The following ZP3 variants were observed in gnomAD, a reference collection of about 807,000 sequenced individuals.
ZP3 encodes zona pellucida sperm-binding protein 3.
ZP3 carries 21 observed loss-of-function variants against 35.6 expected under a neutral mutation model. That is an observed-to-expected ratio of 0.59 (90% CI 0.42 to 0.85). The LOEUF is 0.85. Among genes scored for constraint, ZP3 ranks in the 40% least tolerant of loss-of-function variants. The probability of loss-of-function intolerance (pLI) is 0.00; values close to 1 mark genes in which losing one functional copy is unlikely to be tolerated. For synonymous variants in ZP3, 207 were observed against 214.5 expected (o/e 0.96, Z 0.31); for missense variants, 437 against 536.5 (o/e 0.81, Z 1.83).
chr7:76,409,696 A>C (rs12540573), intron 1 of ZP3: 12,916 of 152,512 alleles, frequency 0.085, 763 homozygotes, highest in Middle Eastern at 0.16. Context: ...CCCCAGAAAA[A>C]GGGCACCCAG....
chr7:76,397,884 G>C, intron 1 of ZP3: 2 of 1,454,444 alleles, frequency 1.4e-6, no homozygotes. Flanking sequence ...CTCTGCCCCC[G>C]TCCGCACCGC....
chr7:76,425,625 C>A (rs553535775), intron 1 of ZP3, among the ~76,000 whole-genome samples: 4 of 152,270 alleles, frequency 2.6e-5, no homozygotes, highest in Admixed American at 2.6e-4. Context: ...AGGCTGGGGG[C>A]ATTAGGAACT....
At chr7:76,440,094 G>T in intron 5 of ZP3, 156 bp from the exon 6 acceptor site, 14 of 1,408,252 alleles carry the variant, frequency 9.9e-6, no homozygotes, top group Non-Finnish European at 1.3e-5. Flanking sequence ...TGATCTACCC[G>T]CCTTGGGCTC....
At chr7:76,431,447 A>G (rs1805822560) in intron 2 of ZP3, among the ~76,000 whole-genome samples, 1 of 152,166 alleles carries the variant, frequency 6.6e-6, no homozygotes, top group Non-Finnish European at 1.5e-5. Context: ...CAATAGATGC[A>G]TCCATCACTT....
chr7:76,440,177 T>G, intron 5 of ZP3, 73 bp from the exon 6 acceptor site: 3 of 1,503,816 alleles, frequency 2.0e-6, no homozygotes, highest in Non-Finnish European at 2.7e-6. Flanking sequence ...TTGAGGGTTA[T>G]AAGAGAACTG....
upstream of ZP3, among the ~76,000 whole-genome samples, chr7:76,424,511 T>C (rs1305244115): frequency 6.6e-6 from 1 of 152,132 alleles, no homozygotes; most frequent in Non-Finnish European, 1.5e-5. Flanking sequence ...TGCCTTCCTG[T>C]AATCCCAGCT....
intron 1 of ZP3, among the ~76,000 whole-genome samples, chr7:76,418,349 G>T (rs897447775): frequency 2.6e-5 from 4 of 151,832 alleles, no homozygotes; most frequent in Non-Finnish European, 5.9e-5. Flanking sequence ...TCAGGAGATC[G>T]AGACCAGCCT....
At chr7:76,415,922 G>A (rs192242157) in intron 1 of ZP3, among the ~76,000 whole-genome samples, 3,841 of 148,988 alleles carry the variant, frequency 0.026, 74 homozygotes, top group Non-Finnish European at 0.038. Flanking sequence ...TTGAGGTCAG[G>A]ATTTCAAGAC....
exon 1 of ZP3, chr7:76,397,543 G>T: frequency 1.3e-6 from 2 of 1,587,792 alleles, no homozygotes; most frequent in African/African-American, 1.3e-5. Context: ...CCGCGTCCTC[G>T]TGGTGGCCGC....
At chr7:76,433,141 T>TTGGTTGGTTA in intron 3 of ZP3, 111 bp downstream of exon 3, 2 of 691,398 alleles carry the variant, frequency 2.9e-6, no homozygotes, top group South Asian at 1.9e-5. Context: ...TTGGTTGGTT[T>TTGGTTGGTTA]TGGTTGGTTT....
chr7:76,422,403 G>A (rs1308260938), upstream of ZP3, among the ~76,000 whole-genome samples: 3 of 152,108 alleles, frequency 2.0e-5, no homozygotes, highest in Non-Finnish European at 4.4e-5. Flanking sequence ...AGGTGGCCAG[G>A]CGCGGTGGCT....
At chr7:76,421,672 G>A (rs1383551152), upstream of ZP3, among the ~76,000 whole-genome samples, 11 of 150,048 alleles carry the variant, frequency 7.3e-5, no homozygotes, top group Non-Finnish European at 1.6e-4. Flanking sequence ...TCGGCTCACT[G>A]CAACATCTGC....
At chr7:76,400,384 T>C in intron 1 of ZP3, 1 of 1,594,586 alleles carries the variant, frequency 6.3e-7, no homozygotes, top group Non-Finnish European at 8.6e-7. Flanking sequence ...CCCGCGGCAC[T>C]CCACGTTGTC....
intron 1 of ZP3, among the ~76,000 whole-genome samples, chr7:76,399,869 T>C (rs942282842): frequency 6.6e-6 from 1 of 152,108 alleles, no homozygotes; most frequent in African/African-American, 2.4e-5. Flanking sequence ...GTGGGGTGAC[T>C]TGGACCTGTA....
At chr7:76,413,277 C>CAA (rs1257250719) in intron 1 of ZP3, among the ~76,000 whole-genome samples, 1 of 151,816 alleles carries the variant, frequency 6.6e-6, no homozygotes, top group African/African-American at 2.4e-5. Flanking sequence ...TTTTTTGAGA[C>CAA]AGGGTCTTGC....
At chr7:76,423,816 T>G (rs1805578907), upstream of ZP3, among the ~76,000 whole-genome samples, 1 of 151,194 alleles carries the variant, frequency 6.6e-6, no homozygotes, top group Non-Finnish European at 1.5e-5. Context: ...GAGCTGAGAT[T>G]GCACCACTAC....
chr7:76,405,099 C>CAAA (rs1804955830), intron 1 of ZP3, among the ~76,000 whole-genome samples: 2 of 148,538 alleles, frequency 1.3e-5, no homozygotes, highest in African/African-American at 4.9e-5. Context: ...TTTAAAAATA[C>CAAA]AAAAATTAGT....
intron 1 of ZP3, among the ~76,000 whole-genome samples, chr7:76,418,509 C>T (rs1036563097): frequency 6.1e-5 from 9 of 146,852 alleles, no homozygotes; most frequent in African/African-American, 2.3e-4. Flanking sequence ...CAGGATAGCA[C>T]CACTGTACTC....
intron 1 of ZP3, among the ~76,000 whole-genome samples, chr7:76,406,333 G>A (rs1444693545): frequency 6.6e-6 from 1 of 152,060 alleles, no homozygotes; most frequent in African/African-American, 2.4e-5. Flanking sequence ...TAATTTGGGA[G>A]GATATAGATA....
Sources: gnomAD v4.1 joint callset for allele counts (sites outside exome capture counted in the v4.1 genomes callset) on GRCh38, gnomAD v4.1.1 for gene constraint, MANE v1.5 for transcripts, NCBI Gene and HGNC (gene_info 2026-07-23, HGNC 2026-07-21) for gene names.